BRI3BP: variants seen among roughly 807,000 people sequenced by gnomAD.
BRI3BP encodes the protein BRI3 binding protein.
In BRI3BP, 7 loss-of-function variants were observed where a neutral mutation model predicts 15.8. That is an observed-to-expected ratio of 0.44 (90% CI 0.25 to 0.83). BRI3BP has a LOEUF of 0.83. BRI3BP is among the 40% of genes least tolerant of loss of function. BRI3BP has a pLI of 0.20. For synonymous variants in BRI3BP, 192 were observed against 163.5 expected, an observed-to-expected ratio of 1.17 and a Z score of -1.33; for missense variants, 320 against 339.3, an observed-to-expected ratio of 0.94 and a Z score of 0.45.
Position 125,026,265 on chromosome 12 carries a change from C to G in BRI3BP, c.*835C>G, listed in dbSNP as rs970564957. 6.6e-6 allele frequency: 1 copy of G among 151,824 alleles called. No individual in the cohort carries two copies. Among genetic ancestry groups the G allele is most frequent in the African/African-American group, 2.4e-5 (1 of 41,348 alleles). 9.4% of individuals were successfully genotyped at this position (151,824 alleles called of 1,614,324 possible). A position where few individuals can be genotyped will look rare whatever the true frequency, so the allele number is the denominator to read the frequency against. ...GATTGCTCCAGAATCTACTGCATGT[C>G]CCAATTTGCAGTTTGCTCACTAGGG... is the stretch of plus-strand genomic sequence containing the variant. On this transcript the variant is annotated 3_prime_UTR_variant, in exon 3 of 3. Coordinates refer to ENST00000341446, the MANE Select transcript of BRI3BP (RefSeq NM_080626.6).
At position 125,029,923 on chromosome 12, in the gene BRI3BP, G is replaced by A. The variant is rs1238284468; in HGVS notation, c.*4493G>A. On this transcript the variant is annotated 3_prime_UTR_variant, in exon 3 of 3. Transcript: ENST00000341446. ...AGTAAGAACGCAAAGGTTTGGGTCA[G>A]TGATTAGGAAGACTATAATATGACT... 2 of 152,282 alleles carry A rather than the reference G, an allele frequency of 1.3e-5. No homozygotes were observed. Among genetic ancestry groups the A allele is most frequent in the East Asian group, 1.9e-4 (1 of 5,194 alleles). The allele number at this position is 152,282 out of a possible 1,614,324, so 9.4% of individuals were successfully genotyped here.
chr12:125,034,758 T>G (rs1193977093), downstream of BRI3BP, among the ~76,000 whole-genome samples: 1 of 151,924 alleles, frequency 6.6e-6, no homozygotes, highest in Non-Finnish European at 1.5e-5. Flanking sequence ...CCCAGCTAAT[T>G]TTTGTATTTT....
At position 124,993,719 on chromosome 12, in the gene BRI3BP, T is replaced by C. The variant is rs1955014698; in HGVS notation, c.-72T>C. On this transcript the variant is annotated 5_prime_UTR_variant, in exon 1 of 3. Transcript: ENST00000341446. ...GCCCCCGAGCGCGCCAACCTTGCCC[T>C]AGCCGGAGCCCGCTGCGGCCCAGCG... 2.2e-6 allele frequency: 2 copies of C among 896,016 alleles called. No homozygotes were observed. Among genetic ancestry groups the C allele is most frequent in the African/African-American group, 3.7e-5 (2 of 54,472 alleles). 55.5% of individuals were successfully genotyped at this position (896,016 alleles called of 1,614,324 possible).
At chr12:125,014,545 G>A (rs1181647258) in intron 2 of BRI3BP, among the ~76,000 whole-genome samples, 7 of 152,204 alleles carry the variant, frequency 4.6e-5, no homozygotes, top group Non-Finnish European at 4.4e-5. Flanking sequence ...AGTCATACGG[G>A]ACACACTTAA....
the BRI3BP span, among the ~76,000 whole-genome samples, chr12:125,038,858 G>A: frequency 3.3e-5 from 5 of 152,166 alleles, no homozygotes; most frequent in African/African-American, 9.7e-5. Context: ...GGGAGGCCAA[G>A]CCAGGCAAAT....
At chr12:125,016,652 AG>A (rs1955246763) in intron 2 of BRI3BP, among the ~76,000 whole-genome samples, 1 of 151,606 alleles carries the variant, frequency 6.6e-6, no homozygotes, top group Non-Finnish European at 1.5e-5. Context: ...CAGCCTGCCA[AG>A]TAGCTGGGAT....
At chr12:125,040,074 C>T in the BRI3BP span, among the ~76,000 whole-genome samples, 4 of 152,032 alleles carry the variant, frequency 2.6e-5, no homozygotes, top group South Asian at 4.1e-4. Context: ...CCATCCTGGC[C>T]AACATGGTGA....
intron 2 of BRI3BP, among the ~76,000 whole-genome samples, chr12:125,022,942 G>T (rs1955313728): frequency 2.0e-5 from 3 of 152,346 alleles, no homozygotes; most frequent in Admixed American, 6.5e-5. Context: ...TAAAAAGTAT[G>T]TAAATAGAGA....
intron 1 of BRI3BP, among the ~76,000 whole-genome samples, chr12:125,007,442 A>G (rs1199174825): frequency 6.6e-6 from 1 of 151,772 alleles, no homozygotes; most frequent in Non-Finnish European, 1.5e-5. Flanking sequence ...CCAGTTACTC[A>G]GGAGGCTAAG....
In BRI3BP at chr12:125,026,500, A is replaced by G. The variant is rs1167315763; in HGVS notation, c.*1070A>G. The G allele has an allele frequency of 6.6e-6, 1 of 152,048 alleles. No homozygotes were observed. The highest frequency in any genetic ancestry group is 1.5e-5 in the Non-Finnish European group (1 of 68,006). 9.4% of individuals were successfully genotyped at this position (152,048 alleles called of 1,614,324 possible). On this transcript the variant is annotated 3_prime_UTR_variant, in exon 3 of 3. Coordinates refer to ENST00000341446, the MANE Select transcript of BRI3BP (RefSeq NM_080626.6). Reference sequence around the variant, plus strand: ...TATTTACGATACACAGGTGCTTTTTATCTGAAATCTGTTGTGTCCTCCTTT... The same window carrying G: ...TATTTACGATACACAGGTGCTTTTTGTCTGAAATCTGTTGTGTCCTCCTTT...
At chr12:125,012,318 C>A (rs1278648805) in intron 1 of BRI3BP, among the ~76,000 whole-genome samples, 2 of 152,140 alleles carry the variant, frequency 1.3e-5, no homozygotes, top group African/African-American at 2.4e-5. Flanking sequence ...TCAGCCCTTG[C>A]AAGGAAGGGG....
the BRI3BP span, among the ~76,000 whole-genome samples, chr12:125,051,072 C>T: frequency 6.6e-6 from 1 of 152,172 alleles, no homozygotes; most frequent in South Asian, 2.1e-4. Flanking sequence ...TTTTCTTGCC[C>T]TGTTAGAATC....
At chr12:125,045,589 C>T in the BRI3BP span, among the ~76,000 whole-genome samples, 1 of 152,290 alleles carries the variant, frequency 6.6e-6, no homozygotes, top group South Asian at 2.1e-4. Flanking sequence ...GCCTAGGTCT[C>T]CCAAAGTGCT....
rs971311799 is a variant in BRI3BP at position 125,030,418 on chromosome 12, A to G, written c.*4988A>G. The G allele has an allele frequency of 6.6e-6, 1 of 152,232 alleles. No homozygotes were observed. Among genetic ancestry groups the G allele is most frequent in the African/African-American group, 2.4e-5 (1 of 41,468 alleles). 9.4% of individuals were successfully genotyped at this position (152,232 alleles called of 1,614,324 possible). On this transcript the variant is annotated 3_prime_UTR_variant, in exon 3 of 3. Coordinates refer to ENST00000341446, the MANE Select transcript of BRI3BP (RefSeq NM_080626.6). The stretch of plus-strand genomic sequence containing the variant: ...AGGAATATATTTTGCAGAATCTAAC[A>G]TAATACCCTTAAAATTCATACTGGA...
rs780825307 is a variant in BRI3BP at position 125,025,468 on chromosome 12, G to A, written c.*38G>A. Reference sequence around the variant, plus strand: ...CGGGCGGGTCCACAGTTACCAGCACGCTGTCTCAGAAAACGAAAACGGAGG... The same window carrying A: ...CGGGCGGGTCCACAGTTACCAGCACACTGTCTCAGAAAACGAAAACGGAGG... On this transcript the variant is annotated 3_prime_UTR_variant, in exon 3 of 3. Coordinates refer to ENST00000341446, the MANE Select transcript of BRI3BP (RefSeq NM_080626.6). 1.3e-6 allele frequency: 2 copies of A among 1,506,208 alleles called. No individual in the cohort carries two copies. The highest frequency in any genetic ancestry group is 1.8e-6 in the Non-Finnish European group (2 of 1,126,140). The allele number at this position is 1,506,208 out of a possible 1,614,324, so 93.3% of individuals were successfully genotyped here. A position where few individuals can be genotyped will look rare whatever the true frequency, so the allele number is the denominator to read the frequency against.
chr12:125,041,819 C>CCT, the BRI3BP span, among the ~76,000 whole-genome samples: 1 of 152,174 alleles, frequency 6.6e-6, no homozygotes, highest in African/African-American at 2.4e-5. Flanking sequence ...CCCTTAGTCT[C>CCT]CTAAGTGGGA....
Position 124,993,825 on chromosome 12 carries a change from G to A in BRI3BP, c.35G>A (p.Arg12Gln), listed in dbSNP as rs1594523509. 2.6e-6 allele frequency: 3 copies of A among 1,138,328 alleles called. No homozygotes were observed. The highest frequency in any genetic ancestry group is 7.1e-5 in the South Asian group (2 of 28,236). The allele number at this position is 1,138,328 out of a possible 1,614,324, so 70.5% of individuals were successfully genotyped here. The change falls in exon 1 of 3, where the codon CGG becomes CAG. Residue 12 changes from arginine to glutamine, a missense_variant. Coordinates refer to ENST00000341446, the MANE Select transcript of BRI3BP (RefSeq NM_080626.6). ...CGCGCCTCAGGCGGGCCCCTGGCCC[G>A]GGCCGGGCTCCTGCTGCTGCTGCTG... The part of the protein sequence containing the change: ...GARASGGPLA[R>Q]AGLLLLLLLL...
chr12:125,035,930 A>C (rs1299725625), downstream of BRI3BP, among the ~76,000 whole-genome samples: 2 of 152,174 alleles, frequency 1.3e-5, no homozygotes, highest in Non-Finnish European at 2.9e-5. Context: ...AAATGATAAC[A>C]TGCATATATC....
At chr12:125,043,453 C>A in the BRI3BP span, among the ~76,000 whole-genome samples, 2 of 152,074 alleles carry the variant, frequency 1.3e-5, no homozygotes, top group Non-Finnish European at 2.9e-5. Flanking sequence ...GGCCAGGCGT[C>A]GTGGCTTATG....
Sources: allele counts gnomAD v4.1 joint callset (sites outside exome capture counted in the v4.1 genomes callset), GRCh38; gene constraint gnomAD v4.1.1; transcripts MANE v1.5; gene names NCBI Gene and HGNC (gene_info 2026-07-23, HGNC 2026-07-21).